Variants in RAD50 observed in about 807,000 individuals in gnomAD.
RAD50 encodes RAD50 double strand break repair protein.
In RAD50, 132 loss-of-function variants were observed where a neutral mutation model predicts 168.8. The observed-to-expected ratio is 0.78, with a 90% CI of 0.68 to 0.90. The LOEUF is 0.90. RAD50 is among the 40% of genes least tolerant of loss of function. RAD50 has a pLI of 0.00. For missense variants in RAD50, 1,347 were observed against 1,534.4 expected (o/e 0.88, Z 2.04); for synonymous variants, 525 against 497.4 (o/e 1.06, Z -0.74).
At chr5:132,563,781 C>G (rs911501137) in intron 2 of RAD50, among the ~76,000 whole-genome samples, 1 of 152,088 alleles carries the variant, frequency 6.6e-6, no homozygotes, top group South Asian at 2.1e-4. Context: ...AATTGTAACC[C>G]CCATTGTTGG....
chr5:132,598,872 A>G (rs1750838726), intron 13 of RAD50, among the ~76,000 whole-genome samples: 1 of 152,162 alleles, frequency 6.6e-6, no homozygotes, highest in African/African-American at 2.4e-5. Flanking sequence ...TGTTGGTTAG[A>G]GTGGTCACAG....
intron 23 of RAD50, 159 bp downstream of exon 23, chr5:132,638,382 T>A (rs1048223860): frequency 1.3e-5 from 11 of 836,960 alleles, no homozygotes; most frequent in Non-Finnish European, 2.1e-5. Context: ...TATTACACTC[T>A]CCTGAAGCTA....
rs1371006267 is a variant in RAD50, at chr5:132,646,203, A to G, written c.*3839A>G. The stretch of plus-strand genomic sequence containing the variant: ...GGCACTGACCACTCCTACAACCACC[A>G]TCTATACACTGATAACTCATAAATG... On this transcript the variant is annotated 3_prime_UTR_variant, in exon 25 of 25. Coordinates refer to ENST00000378823, the MANE Select transcript of RAD50 (RefSeq NM_005732.4). 1.3e-5 allele frequency: 2 copies of G among 151,882 alleles called. No individual in the cohort carries two copies. The highest frequency in any genetic ancestry group is 6.6e-5 in the Admixed American group (1 of 15,260). 9.4% of individuals were successfully genotyped at this position (151,882 alleles called of 1,614,324 possible).
rs2149847246 is a variant in RAD50, at chr5:132,603,947, A to G, written c.2425A>G (p.Ile809Val). ...QMELKDVERK[I>V]AQQAAKLQGI... ...GGAACTTAAAGATGTTGAAAGAAAA[A>G]TTGCACAACAAGCAGCTAAGCTACA... The change falls in exon 15 of 25, where the codon ATT (isoleucine) becomes GTT (valine). Residue 809 changes from isoleucine to valine, a missense_variant. Physicochemically the swap from Ile to Val is conservative, Grantham distance 29. This residue lies in a region of RAD50 where 635 missense variants were observed against 739.2 expected (regional missense o/e 0.86). Transcript: ENST00000378823. 2.5e-6 allele frequency: 4 copies of G among 1,609,596 alleles called. No individual in the cohort carries two copies. Among genetic ancestry groups the G allele is most frequent in the South Asian group, 2.2e-5 (2 of 90,968 alleles).
rs1581001234 is a variant in RAD50, at chr5:132,603,499, T to C, written c.2397+10T>C. On this transcript the variant is annotated intron_variant, in intron 14 of 24. Coordinates refer to ENST00000378823, the MANE Select transcript of RAD50 (RefSeq NM_005732.4). ...TATGGAGAGGTTCCAGGTAAGTTTA[T>C]TGTAGTTTAAGGCAGAATAAAACTT... The C allele has an allele frequency of 1.9e-6, 3 of 1,612,446 alleles. No homozygotes were observed. The highest frequency in any genetic ancestry group is 2.5e-6 in the Non-Finnish European group (3 of 1,178,588).
rs1554097804 is a variant in RAD50, at chr5:132,579,902, A to G, written c.592A>G (p.Thr198Ala). 3.7e-6 allele frequency: 6 copies of G among 1,613,190 alleles called. No individual in the cohort carries two copies. The highest frequency in any genetic ancestry group is 5.1e-6 in the Non-Finnish European group (6 of 1,179,216). ...AGAAACACTTCGGCAGGTACGTCAGACACAAGGTCAGAAAGTAAAAGAATA... is the reference window on the plus strand; with the variant it reads ...AGAAACACTTCGGCAGGTACGTCAGGCACAAGGTCAGAAAGTAAAAGAATA... ...ALETLRQVRQ[T>A]QGQKVKEYQM... Residue 198 changes from threonine (T) to alanine (A), a missense_variant, in exon 5 of 25, where the codon ACA becomes GCA. This residue lies in a region of RAD50 where 703 missense variants were observed against 767.7 expected (regional missense o/e 0.92). Transcript: ENST00000378823.
intron 5 of RAD50, among the ~76,000 whole-genome samples, chr5:132,581,864 C>CT (rs1476707162): frequency 4.6e-5 from 7 of 151,246 alleles, no homozygotes; most frequent in Admixed American, 2.0e-4. Flanking sequence ...AACAGATTTC[C>CT]TTTTTTTTTC....
chr5:132,610,000 G>C (rs961190177), intron 19 of RAD50, among the ~76,000 whole-genome samples: 1 of 149,510 alleles, frequency 6.7e-6, no homozygotes, highest in African/African-American at 2.5e-5. Flanking sequence ...TATACCAGCA[G>C]ATAGGTAGAT....
chr5:132,624,859 G>A (rs1185638745), intron 21 of RAD50, among the ~76,000 whole-genome samples: 1 of 116,260 alleles, frequency 8.6e-6, no homozygotes, highest in African/African-American at 3.6e-5. Context: ...GTGACAGAAA[G>A]AGACCCTGTC....
intron 15 of RAD50, 112 bp from the exon 16 acceptor site, chr5:132,604,694 C>T (rs1750950618): frequency 1.1e-6 from 1 of 908,302 alleles, no homozygotes; most frequent in African/African-American, 1.7e-5. Context: ...TGGGTGGGGC[C>T]CACAGAAATA....
At chr5:132,590,683 C>G (rs948765674) in intron 9 of RAD50, among the ~76,000 whole-genome samples, 9 of 152,252 alleles carry the variant, frequency 5.9e-5, no homozygotes, top group Admixed American at 5.9e-4. Context: ...AGTAAGCATT[C>G]TAAAGCATGG....
intron 5 of RAD50, among the ~76,000 whole-genome samples, chr5:132,580,563 A>G (rs891678132): frequency 6.6e-6 from 1 of 152,192 alleles, no homozygotes; most frequent in African/African-American, 2.4e-5. Flanking sequence ...TTTCTAGAGA[A>G]TTTTTAAAAT....
At chr5:132,603,880 G>A (rs1441005674) in intron 14 of RAD50, 40 bp from the exon 15 acceptor site, 2 of 1,504,748 alleles carry the variant, frequency 1.3e-6, no homozygotes, top group African/African-American at 1.4e-5. Flanking sequence ...GAATAATGCA[G>A]TAAGTTTATT....
chr5:132,589,886 A>G (rs1290379909), intron 9 of RAD50, 49 bp downstream of exon 9: 1 of 1,495,898 alleles, frequency 6.7e-7, no homozygotes, highest in Non-Finnish European at 9.2e-7. Flanking sequence ...TAATACTTTT[A>G]GAAGTATTTT....
chr5:132,568,432 A>G (rs946331329), intron 2 of RAD50, among the ~76,000 whole-genome samples: 2 of 152,132 alleles, frequency 1.3e-5, no homozygotes, highest in African/African-American at 4.8e-5. Context: ...AAAGGAAAAG[A>G]TGGACATAAT....
Position 132,639,371 on chromosome 5 carries a change from A to G in RAD50, c.3618+1148A>G, listed in dbSNP as rs947675550. ...TCCGTCTCAAAAAAAAAAAAAAAAA[A>G]GAACATGCCATGCATATATGTATTA... On this transcript the variant is annotated intron_variant, in intron 23 of 24. Coordinates refer to ENST00000378823, the MANE Select transcript of RAD50 (RefSeq NM_005732.4). 2.6e-5 allele frequency among the ~76,000 whole-genome samples: 4 copies of G among 151,752 alleles called. No homozygotes were observed. In the East Asian group the frequency reaches 7.7e-4, roughly 29 times the overall value.
intron 2 of RAD50, 65 bp downstream of exon 2, chr5:132,559,432 A>G: frequency 6.7e-7 from 1 of 1,501,640 alleles, no homozygotes; most frequent in Non-Finnish European, 9.1e-7. Flanking sequence ...TATTATAGAA[A>G]ACTTGGCACT....
At chr5:132,575,334 C>T (rs1750374363) in intron 2 of RAD50, among the ~76,000 whole-genome samples, 1 of 152,206 alleles carries the variant, frequency 6.6e-6, no homozygotes, top group Non-Finnish European at 1.5e-5. Flanking sequence ...GACTTACTCA[C>T]TGTCACAAGA....
chr5:132,630,062 GAC>G (rs1185548668), intron 21 of RAD50, among the ~76,000 whole-genome samples: 1 of 139,074 alleles, frequency 7.2e-6, no homozygotes, highest in Non-Finnish European at 1.5e-5. Flanking sequence ...TTTTTTTTGA[GAC>G]AGAGTTTCGC....
Sources: gnomAD v4.1 joint callset for allele counts (sites outside exome capture counted in the v4.1 genomes callset) on GRCh38, gnomAD v4.1.1 for gene constraint, gnomAD v4.1.1 regional missense constraint, MANE v1.5 for transcripts, NCBI Gene and HGNC (gene_info 2026-07-23, HGNC 2026-07-21) for gene names.